Variants in SPMIP2 observed in about 807,000 individuals in gnomAD.
The protein encoded by SPMIP2 is sperm microtubule inner protein 2, also known as protein SPMIP2.
the SPMIP2 span, among the ~76,000 whole-genome samples, chr4:158,902,362 C>T: frequency 3.3e-5 from 5 of 152,184 alleles, no homozygotes; most frequent in African/African-American, 1.2e-4. Flanking sequence ...CTGGAAGCTT[C>T]GTCCCAGAGG....
At chr4:159,051,698 C>A in the SPMIP2 span, among the ~76,000 whole-genome samples, 2 of 152,128 alleles carry the variant, frequency 1.3e-5, no homozygotes, top group Non-Finnish European at 2.9e-5. Flanking sequence ...CAATAGCAAA[C>A]ACATTTGCTT....
chr4:159,060,101 C>T, the SPMIP2 span, among the ~76,000 whole-genome samples: 1 of 152,222 alleles, frequency 6.6e-6, no homozygotes, highest in Admixed American at 6.5e-5. Flanking sequence ...TTGAGTGGGC[C>T]GAGTGAATTT....
chr4:159,061,517 A>G, the SPMIP2 span, among the ~76,000 whole-genome samples: 2 of 151,972 alleles, frequency 1.3e-5, no homozygotes, highest in African/African-American at 4.8e-5. Flanking sequence ...CACTTAAAAG[A>G]TAGAGATGGG....
At chr4:158,921,012 C>T in the SPMIP2 span, among the ~76,000 whole-genome samples, 6 of 152,230 alleles carry the variant, frequency 3.9e-5, no homozygotes, top group African/African-American at 1.4e-4. Flanking sequence ...TGTTTATACT[C>T]TTTCTCTTTA....
At chr4:158,935,747 G>C in the SPMIP2 span, among the ~76,000 whole-genome samples, 1 of 152,210 alleles carries the variant, frequency 6.6e-6, no homozygotes, top group Non-Finnish European at 1.5e-5. Context: ...GGGGTAAGAA[G>C]ATAAAATAGG....
At chr4:159,067,155 AT>A in the SPMIP2 span, among the ~76,000 whole-genome samples, 2 of 152,360 alleles carry the variant, frequency 1.3e-5, no homozygotes, top group African/African-American at 4.8e-5. Flanking sequence ...GATAGGAACT[AT>A]AAAATAAACA....
the SPMIP2 span, among the ~76,000 whole-genome samples, chr4:159,024,328 C>T: frequency 6.6e-6 from 1 of 152,266 alleles, no homozygotes; most frequent in African/African-American, 2.4e-5. Context: ...TCAAAGGGGG[C>T]TTTTAATAGG....
the SPMIP2 span, among the ~76,000 whole-genome samples, chr4:159,069,581 A>T: frequency 1.3e-5 from 2 of 150,366 alleles, no homozygotes; most frequent in African/African-American, 4.9e-5. Context: ...ACCACAGGCA[A>T]GTGCCACCAC....
the SPMIP2 span, among the ~76,000 whole-genome samples, chr4:159,003,934 T>C: frequency 6.6e-6 from 1 of 152,188 alleles, no homozygotes; most frequent in Non-Finnish European, 1.5e-5. Flanking sequence ...AAGAAAATGT[T>C]GGACACAGAA....
chr4:159,018,212 T>C, the SPMIP2 span, among the ~76,000 whole-genome samples: 141,790 of 152,296 alleles, frequency 0.93, 66,079 homozygotes, highest in Non-Finnish European at 0.95. Flanking sequence ...GCTGCCTCAC[T>C]GCAACAGAGG....
chr4:159,001,236 T>C, the SPMIP2 span, among the ~76,000 whole-genome samples: 7 of 151,956 alleles, frequency 4.6e-5, no homozygotes, highest in Admixed American at 4.6e-4. Context: ...CAATCTCTAA[T>C]GACTAATCAT....
the SPMIP2 span, among the ~76,000 whole-genome samples, chr4:158,945,870 C>T: frequency 5.3e-5 from 8 of 152,096 alleles, no homozygotes; most frequent in South Asian, 1.7e-3. Context: ...CTGTTCAGTA[C>T]ATGAACTTTG....
At chr4:158,979,749 C>T in the SPMIP2 span, among the ~76,000 whole-genome samples, 8 of 148,452 alleles carry the variant, frequency 5.4e-5, no homozygotes, top group African/African-American at 1.8e-4. Context: ...AAGCACAAAA[C>T]TGGGTGGCTG....
the SPMIP2 span, among the ~76,000 whole-genome samples, chr4:158,935,342 C>T: frequency 6.6e-6 from 1 of 152,344 alleles, no homozygotes; most frequent in African/African-American, 2.4e-5. Flanking sequence ...GCCTCAGTGT[C>T]TACCCACCTG....
chr4:158,939,770 G>A, the SPMIP2 span, among the ~76,000 whole-genome samples: 29 of 152,204 alleles, frequency 1.9e-4, no homozygotes, highest in East Asian at 5.6e-3. Context: ...CTGAGGTCAG[G>A]AGTTCGAGAC....
At chr4:158,984,092 T>C in the SPMIP2 span, among the ~76,000 whole-genome samples, 1 of 130,768 alleles carries the variant, frequency 7.6e-6, no homozygotes, top group African/African-American at 2.9e-5. Context: ...CAAGAAGAGC[T>C]ATCTATCCTA....
At chr4:158,934,885 C>T in the SPMIP2 span, among the ~76,000 whole-genome samples, 2 of 152,166 alleles carry the variant, frequency 1.3e-5, no homozygotes, top group East Asian at 1.9e-4. Flanking sequence ...TGCAATATCA[C>T]GTAACTTGTC....
At chr4:158,943,896 G>T in the SPMIP2 span, among the ~76,000 whole-genome samples, 1 of 120,618 alleles carries the variant, frequency 8.3e-6, no homozygotes, top group African/African-American at 3.2e-5. Context: ...TCGCTCTGTC[G>T]CCAGGCTGGA....
the SPMIP2 span, among the ~76,000 whole-genome samples, chr4:158,960,604 A>T: frequency 1.3e-5 from 2 of 152,152 alleles, no homozygotes; most frequent in African/African-American, 4.8e-5. Context: ...TAGGAAGAAG[A>T]GTGTGATGCG....
Sources: allele counts gnomAD v4.1 joint callset (sites outside exome capture counted in the v4.1 genomes callset), GRCh38; gene constraint gnomAD v4.1.1; transcripts MANE v1.5; gene names NCBI Gene and HGNC (gene_info 2026-07-23, HGNC 2026-07-21).